The following CEP44 variants were observed in gnomAD, a reference collection of about 807,000 sequenced individuals.
CEP44 encodes centrosomal protein 44.
Under a neutral mutation model 46.7 loss-of-function variants are expected in CEP44, and 45 were observed. The ratio of observed to expected loss-of-function variants is 0.96; its 90% CI spans 0.76 to 1.24. The LOEUF (loss-of-function observed/expected upper bound fraction) is 1.24, where lower values mean the gene tolerates loss of function less well. Ranked by LOEUF, CEP44 falls within the 50% of genes most tolerant of loss-of-function variation. The pLI, the probability that CEP44 is intolerant of heterozygous loss-of-function variation, is 0.00. For synonymous variants in CEP44, 142 were observed against 146.0 expected (o/e 0.97, Z 0.20); for missense variants, 475 against 459.7 (o/e 1.03, Z -0.30).
intron 8 of CEP44, among the ~76,000 whole-genome samples, chr4:174,330,144 CTTA>C (rs538054389): frequency 1.5e-3 from 225 of 152,124 alleles, no homozygotes; most frequent in African/African-American, 5.1e-3. Flanking sequence ...TTTGACGTAT[CTTA>C]TTTTCTTATT....
chr4:174,317,415 T>C lies in CEP44; in HGVS notation c.*32T>C. On this transcript the variant is annotated 3_prime_UTR_variant, in exon 12 of 12. Transcript: ENST00000503780. ...CTACATGAACTTTTTTCTAGGACTT[T>C]GGTTACTATACATATTGTATATTTT... The C allele has an allele frequency of 7.2e-7, 1 of 1,390,288 alleles. No individual in the cohort carries two copies. Among genetic ancestry groups the C allele is most frequent in the Non-Finnish European group, 9.5e-7 (1 of 1,049,078 alleles). 86.1% of individuals were successfully genotyped at this position (1,390,288 alleles called of 1,614,324 possible). A position where few individuals can be genotyped will look rare whatever the true frequency, so the allele number is the denominator to read the frequency against.
chr4:174,317,809 G>T lies in CEP44; in HGVS notation c.*426G>T, dbSNP rs1741907252. 2 of 985,986 alleles carry T rather than the reference G, an allele frequency of 2.0e-6. No homozygotes were observed. Among genetic ancestry groups the T allele is most frequent in the Admixed American group, 6.1e-5 (1 of 16,278 alleles). 61.1% of individuals were successfully genotyped at this position (985,986 alleles called of 1,614,324 possible). A position where few individuals can be genotyped will look rare whatever the true frequency, so the allele number is the denominator to read the frequency against. ...TCTCATATATACCATCTTGGCATCT[G>T]TACTGATGAATAAGTTATAATGAAC... On this transcript the variant is annotated 3_prime_UTR_variant, in exon 12 of 12. Transcript: ENST00000503780.
At position 174,331,828 on chromosome 4, in the gene CEP44, C is replaced by T; in HGVS notation, c.*233C>T. ...TTTCTCAAAATGTCTGCTGATAGCCCCTCACTCATATTTTTCATGTGGGTT... is the reference window on the plus strand; with the variant it reads ...TTTCTCAAAATGTCTGCTGATAGCCTCTCACTCATATTTTTCATGTGGGTT... On this transcript the variant is annotated 3_prime_UTR_variant, in exon 9 of 9. Transcript: ENST00000426172. The surrounding 1 kb of genome is among the most constrained non-coding windows in gnomAD (Gnocchi z 4.5). 1 of 435,480 alleles carries T rather than the reference C, an allele frequency of 2.3e-6. No homozygotes were observed. The highest frequency in any genetic ancestry group is 3.9e-6 in the Non-Finnish European group (1 of 254,154). 27.0% of individuals were successfully genotyped at this position (435,480 alleles called of 1,614,324 possible). A position where few individuals can be genotyped will look rare whatever the true frequency, so the allele number is the denominator to read the frequency against.
chr4:174,291,242 GTGATTTGATGAT>G (rs1738162085), intron 1 of CEP44, among the ~76,000 whole-genome samples: 1 of 151,572 alleles, frequency 6.6e-6, no homozygotes, highest in African/African-American at 2.4e-5. Context: ...TGTTGTCTTT[GTGATTTGATGAT>G]TGTAGTAGAA....
Position 174,298,403 on chromosome 4 carries a change from C to T in CEP44, c.-51+341C>T, listed in dbSNP as rs193041404. 9.5e-3 allele frequency among the ~76,000 whole-genome samples: 1,440 copies of T among 151,888 alleles called. 22 individuals carry two copies. Among genetic ancestry groups the T allele is most frequent in the African/African-American group, 0.033 (1,369 of 41,436 alleles). ...TTTTAGCCGGGATGGTCTCGATCTC[C>T]TGACCTCCTGATCCGCCCGCCTCGG... On this transcript the variant is annotated intron_variant, in intron 2 of 11. Transcript: ENST00000503780.
chr4:174,298,540 T>C (rs1739346012), intron 2 of CEP44, among the ~76,000 whole-genome samples: 1 of 152,192 alleles, frequency 6.6e-6, no homozygotes, highest in African/African-American at 2.4e-5. Context: ...GTAACATGCA[T>C]TTAATCTGTC....
In CEP44 at chr4:174,301,756, A is replaced by G; in HGVS notation, c.90-283A>G. Among the ~76,000 whole-genome samples, 1 of 152,250 alleles carries G rather than the reference A, an allele frequency of 6.6e-6. No individual in the cohort carries two copies. ...TTAGTAGTAGAAAATGGAGTAGATC[A>G]CGTAAGACTAAGCTTTGGAAAATCA... is the stretch of plus-strand genomic sequence containing the variant. On this transcript the variant is annotated intron_variant, in intron 3 of 11. Coordinates refer to ENST00000503780, the MANE Select transcript of CEP44 (RefSeq NM_001040157.3). This position sits in a 1 kb window ranked among gnomAD's most constrained non-coding sequence, Gnocchi z 4.3.
chr4:174,303,146 G>A (rs1739943047), intron 4 of CEP44, among the ~76,000 whole-genome samples: 1 of 152,056 alleles, frequency 6.6e-6, no homozygotes, highest in East Asian at 1.9e-4. Context: ...TGTAGTCTCT[G>A]TTTAATCTTT....
chr4:174,331,393 C>A lies in CEP44; in HGVS notation c.1087-89C>A. The A allele has an allele frequency of 7.5e-7, 1 of 1,334,328 alleles. No homozygotes were observed. Among genetic ancestry groups the A allele is most frequent in the Non-Finnish European group, 1.0e-6 (1 of 994,038 alleles). The allele number at this position is 1,334,328 out of a possible 1,614,324, so 82.7% of individuals were successfully genotyped here. On this transcript the variant is annotated intron_variant, in intron 8 of 8. Coordinates refer to the CEP44 transcript ENST00000426172. This position sits in a 1 kb window ranked among gnomAD's most constrained non-coding sequence, Gnocchi z 4.5. Reference sequence around the variant, plus strand: ...ATGGAAGAGGAGGAAATATTAATAGCACTCTGACACTGCTCTAATTCCTAT... The same window carrying A: ...ATGGAAGAGGAGGAAATATTAATAGAACTCTGACACTGCTCTAATTCCTAT...
At position 174,318,606 on chromosome 4, in the gene CEP44, G is replaced by GTA; in HGVS notation, c.*1225_*1226dup. On this transcript the variant is annotated 3_prime_UTR_variant, in exon 12 of 12. Coordinates refer to ENST00000503780, the MANE Select transcript of CEP44 (RefSeq NM_001040157.3). ...ACTTCATTATTTGGAAGGAAAATTA[G>GTA]TATTTTTTTTAATATTATATGGACC... 1.3e-6 allele frequency: 1 copy of GTA among 741,244 alleles called. No homozygotes were observed. Among genetic ancestry groups the GTA allele is most frequent in the Non-Finnish European group, 1.6e-6 (1 of 608,514 alleles). The allele number at this position is 741,244 out of a possible 1,614,324, so 45.9% of individuals were successfully genotyped here. A position where few individuals can be genotyped will look rare whatever the true frequency, so the allele number is the denominator to read the frequency against.
chr4:174,299,151 A>C lies in CEP44; in HGVS notation c.30A>C (p.Leu10Phe). ...CAACAGGTGACTTAAAAAGAAGCTT[A>C]CGGAACCTAGAACAGGTGCTCCGCT... MATGDLKRSLRNLEQVLRLL... is the reference protein window; with the variant it reads MATGDLKRSFRNLEQVLRLL... Residue 10 changes from leucine to phenylalanine, a missense_variant, in exon 3 of 12, where the codon TTA becomes TTC. Transcript: ENST00000503780. 5 of 1,613,822 alleles carry C rather than the reference A, an allele frequency of 3.1e-6. No individual in the cohort carries two copies. The highest frequency in any genetic ancestry group is 4.2e-6 in the Non-Finnish European group (5 of 1,179,754).
intron 1 of CEP44, among the ~76,000 whole-genome samples, chr4:174,296,542 G>A (rs1739039168): frequency 6.6e-6 from 1 of 151,690 alleles, no homozygotes; most frequent in Admixed American, 6.6e-5. Context: ...CAATTCTGTT[G>A]TTGATTTCTA....
At chr4:174,302,552 AACTATT>A (rs1399578066) in intron 4 of CEP44, among the ~76,000 whole-genome samples, 2 of 151,998 alleles carry the variant, frequency 1.3e-5, no homozygotes, top group Non-Finnish European at 2.9e-5. Context: ...TGTAAGAAGG[AACTATT>A]ACTGACATTT....
chr4:174,328,284 C>T (rs190038434), intron 8 of CEP44, among the ~76,000 whole-genome samples: 13 of 152,138 alleles, frequency 8.5e-5, no homozygotes, highest in East Asian at 1.9e-4. Flanking sequence ...GGTTGGATAA[C>T]GGAAAGAAAG....
chr4:174,321,715 ATTTAAT>A (rs1234755879), downstream of CEP44, among the ~76,000 whole-genome samples: 2 of 152,166 alleles, frequency 1.3e-5, no homozygotes, highest in African/African-American at 2.4e-5. Flanking sequence ...CATGTTTCAC[ATTTAAT>A]TTAAAATTCA....
rs866493608 is a variant in CEP44, at chr4:174,302,070, C to G, written c.121C>G (p.Pro41Ala). 1.2e-6 allele frequency: 2 copies of G among 1,609,788 alleles called. No homozygotes were observed. Among genetic ancestry groups the G allele is most frequent in the Non-Finnish European group, 8.5e-7 (1 of 1,178,956 alleles). The change falls in exon 4 of 12, where the codon CCC (proline) becomes GCC (alanine). Residue 41 changes from proline to alanine, a missense_variant. By Grantham distance (27) the Pro-to-Ala change is conservative. Transcript: ENST00000503780. ...LIKGDPAASL[P>A]IISYSFTSYS... ...AAAGGGAGACCCAGCAGCATCTTTGCCCATCATCAGCTATTCTTTTACCTC... is the reference window on the plus strand; with the variant it reads ...AAAGGGAGACCCAGCAGCATCTTTGGCCATCATCAGCTATTCTTTTACCTC...
In CEP44 at chr4:174,331,368, A is replaced by G; in HGVS notation, c.1087-114A>G. On this transcript the variant is annotated intron_variant, in intron 8 of 8. Coordinates refer to the CEP44 transcript ENST00000426172. The surrounding 1 kb of genome is among the most constrained non-coding windows in gnomAD (Gnocchi z 4.5). Reference sequence around the variant, plus strand: ...AGGCATTATTTTCAGAGTACCTATTATGGAAGAGGAGGAAATATTAATAGC... The same window carrying G: ...AGGCATTATTTTCAGAGTACCTATTGTGGAAGAGGAGGAAATATTAATAGC... The G allele has an allele frequency of 6.4e-6, 7 of 1,086,186 alleles. No individual in the cohort carries two copies. In the South Asian group the frequency reaches 6.6e-5, roughly 10 times the overall value. The allele number at this position is 1,086,186 out of a possible 1,614,324, so 67.3% of individuals were successfully genotyped here.
At chr4:174,295,937 C>G (rs898945832) in intron 1 of CEP44, among the ~76,000 whole-genome samples, 1 of 152,110 alleles carries the variant, frequency 6.6e-6, no homozygotes, top group African/African-American at 2.4e-5. Flanking sequence ...GCTTTTTCTA[C>G]GTCCGTTGAT....
At position 174,318,145 on chromosome 4, in the gene CEP44, C is replaced by T. The variant is rs1303894331; in HGVS notation, c.*762C>T. ...ATAGCACGATCTTGGCTCACCGCAA[C>T]CTCTGCCTACCGGGTTCAAGTGATT... On this transcript the variant is annotated 3_prime_UTR_variant, in exon 12 of 12. Coordinates refer to ENST00000503780, the MANE Select transcript of CEP44 (RefSeq NM_001040157.3). 77 of 837,080 alleles carry T rather than the reference C, an allele frequency of 9.2e-5. No homozygotes were observed. The highest frequency in any genetic ancestry group is 1.1e-4 in the Non-Finnish European group (77 of 694,830). The allele number at this position is 837,080 out of a possible 1,614,324, so 51.9% of individuals were successfully genotyped here. A position where few individuals can be genotyped will look rare whatever the true frequency, so the allele number is the denominator to read the frequency against.
Sources: allele counts gnomAD v4.1 joint callset (sites outside exome capture counted in the v4.1 genomes callset), GRCh38; gene constraint gnomAD v4.1.1; non-coding constraint Gnocchi (gnomAD v3.1); transcripts MANE v1.5; gene names NCBI Gene and HGNC (gene_info 2026-07-23, HGNC 2026-07-21).